Variants in NCOA2 observed in about 807,000 individuals in gnomAD.
NCOA2 encodes class E basic helix-loop-helix protein 75.
Under a neutral mutation model 145.1 loss-of-function variants are expected in NCOA2, and 21 were observed. The ratio of observed to expected loss-of-function variants is 0.14; its 90% CI spans 0.10 to 0.21. NCOA2 has a LOEUF of 0.21. Among genes scored for constraint, NCOA2 ranks in the 10% least tolerant of loss-of-function variants. NCOA2 has a pLI of 1.00. For missense variants in NCOA2, 1,472 were observed against 1,837.6 expected, an observed-to-expected ratio of 0.80 and a Z score of 3.64; for synonymous variants, 619 against 637.5, an observed-to-expected ratio of 0.97 and a Z score of 0.44.
chr8:70,208,822 T>C (rs1586103689), intron 4 of NCOA2, among the ~76,000 whole-genome samples: 1 of 152,224 alleles, frequency 6.6e-6, no homozygotes, highest in South Asian at 2.1e-4. Flanking sequence ...TTACTGCTCA[T>C]TGGCAATGGA....
chr8:70,224,995 C>T (rs925712338), intron 2 of NCOA2, among the ~76,000 whole-genome samples: 5 of 152,080 alleles, frequency 3.3e-5, no homozygotes, highest in South Asian at 2.1e-4. Context: ...CACTGGAGTA[C>T]TTAAGTTGCC....
At chr8:70,210,677 A>G (rs1028273222) in intron 4 of NCOA2, among the ~76,000 whole-genome samples, 9 of 152,182 alleles carry the variant, frequency 5.9e-5, no homozygotes, top group Admixed American at 5.9e-4. Context: ...AAAAGTTGAG[A>G]AGTAACTGAC....
chr8:70,139,509 A>G (rs1032648685), intron 14 of NCOA2, among the ~76,000 whole-genome samples: 1 of 152,212 alleles, frequency 6.6e-6, no homozygotes, highest in African/African-American at 2.4e-5. Context: ...AGTACATTCA[A>G]TGTAGTGAGG....
At chr8:70,210,853 G>A (rs1412662134) in intron 4 of NCOA2, among the ~76,000 whole-genome samples, 1 of 152,130 alleles carries the variant, frequency 6.6e-6, no homozygotes, top group East Asian at 1.9e-4. Flanking sequence ...AAATAGGCAG[G>A]TTTATTACAT....
At chr8:70,190,848 A>C (rs1816603436) in intron 4 of NCOA2, among the ~76,000 whole-genome samples, 1 of 152,244 alleles carries the variant, frequency 6.6e-6, no homozygotes, top group Non-Finnish European at 1.5e-5. Flanking sequence ...TCCAAAAAAA[A>C]AGTAAAGTAA....
At chr8:70,131,688 G>T in intron 16 of NCOA2, 149 bp downstream of exon 16, 1 of 802,308 alleles carries the variant, frequency 1.2e-6, no homozygotes, top group Non-Finnish European at 1.9e-6. Flanking sequence ...GGAAAGGGGA[G>T]GAAGAAACAG....
intron 1 of NCOA2, among the ~76,000 whole-genome samples, chr8:70,356,799 T>A (rs1477044501): frequency 6.6e-6 from 1 of 152,192 alleles, no homozygotes; most frequent in Admixed American, 6.5e-5. Flanking sequence ...CCTCAAAAGG[T>A]ATTTTCACAT....
At chr8:70,421,608 G>A in the NCOA2 span, among the ~76,000 whole-genome samples, 32 of 148,760 alleles carry the variant, frequency 2.2e-4, no homozygotes, top group Non-Finnish European at 3.2e-4. Context: ...TAATAATTCC[G>A]AAAACATAAA....
chr8:70,350,428 C>T (rs1461129106), intron 1 of NCOA2, among the ~76,000 whole-genome samples: 2 of 152,156 alleles, frequency 1.3e-5, no homozygotes, highest in African/African-American at 4.8e-5. Context: ...AAATTGACTA[C>T]ATACACCTTC....
intron 2 of NCOA2, among the ~76,000 whole-genome samples, chr8:70,272,329 C>G (rs1197831679): frequency 6.6e-6 from 1 of 152,148 alleles, no homozygotes; most frequent in Non-Finnish European, 1.5e-5. Context: ...TCACTCAAAG[C>G]AAAGCACAGG....
At chr8:70,204,671 A>C (rs1818248553) in intron 4 of NCOA2, among the ~76,000 whole-genome samples, 2 of 152,166 alleles carry the variant, frequency 1.3e-5, no homozygotes, top group African/African-American at 4.8e-5. Flanking sequence ...TATTTTACAT[A>C]AACTAAGAAC....
intron 2 of NCOA2, among the ~76,000 whole-genome samples, chr8:70,263,936 G>A (rs1425781680): frequency 1.3e-5 from 2 of 152,190 alleles, no homozygotes; most frequent in African/African-American, 2.4e-5. Context: ...CAGTGGGCCA[G>A]GCGTGGTGGC....
intron 11 of NCOA2, among the ~76,000 whole-genome samples, chr8:70,153,288 C>CA: frequency 1.3e-5 from 2 of 152,106 alleles, no homozygotes; most frequent in Non-Finnish European, 2.9e-5. Flanking sequence ...TGATTCACCC[C>CA]AAAAAAACAG....
At chr8:70,237,586 G>T (rs1370972453) in intron 2 of NCOA2, among the ~76,000 whole-genome samples, 4 of 151,794 alleles carry the variant, frequency 2.6e-5, no homozygotes, top group African/African-American at 9.7e-5. Context: ...AACATAGTGA[G>T]ACTCTGTATC....
the NCOA2 span, chr8:70,424,196 G>T: frequency 3.6e-6 from 1 of 280,590 alleles, no homozygotes; most frequent in Non-Finnish European, 6.9e-6. Flanking sequence ...CTTCAGACAC[G>T]AAGACCCCAG....
chr8:70,131,186 A>AT (rs35546051), intron 16 of NCOA2, among the ~76,000 whole-genome samples: 16,358 of 149,836 alleles, frequency 0.11, 1,318 homozygotes, highest in East Asian at 0.41. Flanking sequence ...GTGACATTTT[A>AT]TTTTTTTTTT....
chr8:70,158,870 G>C (rs1812569455), intron 10 of NCOA2, among the ~76,000 whole-genome samples: 1 of 152,068 alleles, frequency 6.6e-6, no homozygotes, highest in Non-Finnish European at 1.5e-5. Flanking sequence ...TTGCTACTGG[G>C]AGCTGATCAA....
intron 2 of NCOA2, among the ~76,000 whole-genome samples, chr8:70,222,959 G>C (rs1820289419): frequency 6.6e-6 from 1 of 152,142 alleles, no homozygotes; most frequent in Admixed American, 6.5e-5. Context: ...CCTTAACATA[G>C]CCAGTTACTG....
At chr8:70,299,863 A>T (rs1275924750) in intron 1 of NCOA2, among the ~76,000 whole-genome samples, 1 of 152,244 alleles carries the variant, frequency 6.6e-6, no homozygotes, top group African/African-American at 2.4e-5. Flanking sequence ...TGTCCACAAT[A>T]GCCAAAAATT....
Sources: allele counts gnomAD v4.1 joint callset (sites outside exome capture counted in the v4.1 genomes callset), GRCh38; gene constraint gnomAD v4.1.1; transcripts MANE v1.5; gene names NCBI Gene and HGNC (gene_info 2026-07-23, HGNC 2026-07-21).